The following RASA1 variants were observed in gnomAD, a reference collection of about 807,000 sequenced individuals.
RASA1 encodes the protein ras GTPase-activating protein 1.
In RASA1, 25 loss-of-function variants were observed where a neutral mutation model predicts 132.2. The observed-to-expected ratio is 0.19, with a 90% CI of 0.14 to 0.26. The LOEUF (loss-of-function observed/expected upper bound fraction) is 0.26. RASA1 is among the 10% of genes least tolerant of loss of function. The pLI is 1.00. For missense variants in RASA1, 964 were observed against 1,299.2 expected, an observed-to-expected ratio of 0.74 and a Z score of 3.97; for synonymous variants, 477 against 449.9, an observed-to-expected ratio of 1.06 and a Z score of -0.76.
At chr5:87,323,411 G>C (rs895268311) in intron 1 of RASA1, among the ~76,000 whole-genome samples, 1 of 152,168 alleles carries the variant, frequency 6.6e-6, no homozygotes, top group African/African-American at 2.4e-5. Flanking sequence ...GAACTTTTGA[G>C]GGAGAGAGTG....
At chr5:87,308,354 T>C (rs567657230) in intron 1 of RASA1, among the ~76,000 whole-genome samples, 16 of 152,254 alleles carry the variant, frequency 1.1e-4, no homozygotes, top group South Asian at 4.2e-4. Context: ...TTTGAAATGT[T>C]GGTTCCTTAA....
intron 1 of RASA1, among the ~76,000 whole-genome samples, chr5:87,305,125 C>CTTTG (rs1755549787): frequency 6.6e-6 from 1 of 151,406 alleles, no homozygotes; most frequent in African/African-American, 2.4e-5. Flanking sequence ...ATTTTTGTTG[C>CTTTG]AAAGTTAGCA....
At chr5:87,324,915 T>G (rs1028785388) in intron 1 of RASA1, among the ~76,000 whole-genome samples, 1 of 152,220 alleles carries the variant, frequency 6.6e-6, no homozygotes, top group Admixed American at 6.5e-5. Context: ...TTCTTTACTT[T>G]CCTCTTCACT....
intron 1 of RASA1, among the ~76,000 whole-genome samples, chr5:87,271,051 C>T (rs1160003602): frequency 6.6e-6 from 1 of 152,040 alleles, no homozygotes; most frequent in African/African-American, 2.4e-5. Context: ...CCAGCCTGAC[C>T]GAGATGGAGA....
intron 12 of RASA1, among the ~76,000 whole-genome samples, chr5:87,371,189 T>A (rs1760914561): frequency 6.6e-6 from 1 of 152,158 alleles, no homozygotes. Context: ...TTTTTTAATG[T>A]ATTTATACAT....
chr5:87,290,223 G>T (rs1016148969), intron 1 of RASA1, among the ~76,000 whole-genome samples: 1 of 152,158 alleles, frequency 6.6e-6, no homozygotes, highest in African/African-American at 2.4e-5. Context: ...ATCAAAAAAG[G>T]CATTGGATTT....
chr5:87,286,194 G>C (rs1754554936), intron 1 of RASA1, among the ~76,000 whole-genome samples: 1 of 151,988 alleles, frequency 6.6e-6, no homozygotes, highest in Non-Finnish European at 1.5e-5. Context: ...AGTAGAGTCA[G>C]GGTTTCACAT....
chr5:87,342,123 C>T (rs895045857), intron 6 of RASA1, among the ~76,000 whole-genome samples: 5 of 151,538 alleles, frequency 3.3e-5, no homozygotes, highest in Non-Finnish European at 5.9e-5. Flanking sequence ...CTCCTCTCTA[C>T]CTATATCAGG....
intron 11 of RASA1, among the ~76,000 whole-genome samples, chr5:87,365,072 T>C (rs1434428785): frequency 1.3e-5 from 2 of 152,118 alleles, no homozygotes; most frequent in East Asian, 3.9e-4. Context: ...TTGGGAACAA[T>C]TTTATTGAGA....
At chr5:87,350,637 C>T (rs1227822506) in intron 8 of RASA1, among the ~76,000 whole-genome samples, 1 of 151,104 alleles carries the variant, frequency 6.6e-6, no homozygotes, top group Non-Finnish European at 1.5e-5. Context: ...TTGCTGAACA[C>T]CATGATGGAA....
rs536593719 is a variant in RASA1, at chr5:87,391,884, T to C, written c.*1001T>C. The C allele has an allele frequency of 3.3e-4, 75 of 230,454 alleles. No individual in the cohort carries two copies. Among genetic ancestry groups the C allele is most frequent in the African/African-American group, 1.5e-3 (69 of 45,060 alleles). The allele number at this position is 230,454 out of a possible 1,614,324, so 14.3% of individuals were successfully genotyped here. On this transcript the variant is annotated 3_prime_UTR_variant, in exon 25 of 25. Transcript: ENST00000274376. Reference sequence around the variant, plus strand: ...TATTTTTGTGAAGTATTCACAAAGGTTAAGTTAAAATAAAACCAAGGGATA... The same window carrying C: ...TATTTTTGTGAAGTATTCACAAAGGCTAAGTTAAAATAAAACCAAGGGATA...
intron 1 of RASA1, chr5:87,299,575 T>C (rs1382189146): frequency 6.6e-6 from 1 of 152,206 alleles, no homozygotes; most frequent in Non-Finnish European, 1.5e-5. Flanking sequence ...TGTTTTGATA[T>C]GCATATATGT....
At chr5:87,279,976 A>G (rs996395614) in intron 1 of RASA1, among the ~76,000 whole-genome samples, 1 of 152,250 alleles carries the variant, frequency 6.6e-6, no homozygotes, top group Non-Finnish European at 1.5e-5. Context: ...GGAGGCTGCT[A>G]GCCTGAGTCC....
At chr5:87,381,307 A>G (rs553518980) in intron 20 of RASA1, among the ~76,000 whole-genome samples, 9 of 152,326 alleles carry the variant, frequency 5.9e-5, no homozygotes, top group South Asian at 2.1e-4. Context: ...CTAAGACCCA[A>G]TCTGATATCC....
intron 1 of RASA1, among the ~76,000 whole-genome samples, chr5:87,320,107 C>T (rs909494475): frequency 6.6e-6 from 1 of 152,190 alleles, no homozygotes; most frequent in African/African-American, 2.4e-5. Context: ...GACCGTTACT[C>T]TGGTTCCCAA....
intron 1 of RASA1, among the ~76,000 whole-genome samples, chr5:87,271,452 C>CTTTTTTTTTTTTTTTTTTTTTTT (rs201918763): frequency 2.6e-5 from 1 of 38,216 alleles, no homozygotes; most frequent in African/African-American, 1.2e-4. Context: ...TAGTAGACTT[C>CTTTTTTTTTTTTTTTTTTTTTTT]TTTTTTTTTT....
intron 21 of RASA1, 131 bp downstream of exon 21, chr5:87,383,911 C>G: frequency 1.3e-6 from 1 of 784,584 alleles, no homozygotes; most frequent in East Asian, 2.7e-5. Context: ...ATGAAGTATT[C>G]CAAAGCACCC....
Position 87,268,880 on chromosome 5 carries a change from G to C in RASA1, c.429G>C (p.Leu143=). 1 of 1,614,030 alleles carries C rather than the reference G, an allele frequency of 6.2e-7. No homozygotes were observed. Among genetic ancestry groups the C allele is most frequent in the Non-Finnish European group, 8.5e-7 (1 of 1,179,970 alleles). The change falls in exon 1 of 25, where the codon CTG becomes CTC. Residue 143 remains leucine, a synonymous_variant. Transcript: ENST00000274376. ...CCCCTCTGCCCCCTCCCCCTTACCT[G>C]CCCCCTTTGGGGGCGGGCCTCGGGA... The part of the protein sequence containing the change: ...GFPPLPPPPY[L]PPLGAGLGTV...
intron 11 of RASA1, among the ~76,000 whole-genome samples, chr5:87,364,947 G>A (rs1227018651): frequency 6.6e-6 from 1 of 152,156 alleles, no homozygotes; most frequent in African/African-American, 2.4e-5. Flanking sequence ...AAATAGTGAG[G>A]CTGCTCTACT....
Sources: gnomAD v4.1 joint callset for allele counts (sites outside exome capture counted in the v4.1 genomes callset) on GRCh38, gnomAD v4.1.1 for gene constraint, MANE v1.5 for transcripts, NCBI Gene and HGNC (gene_info 2026-07-23, HGNC 2026-07-21) for gene names.